Variants in KIF20B observed in about 807,000 individuals in gnomAD.
KIF20B encodes the protein kinesin-like protein KIF20B.
In KIF20B, 188 loss-of-function variants were observed where a neutral mutation model predicts 232.5. The observed-to-expected ratio is 0.81, with a 90% CI of 0.72 to 0.91. KIF20B has a LOEUF of 0.91. KIF20B is among the 40% of genes least tolerant of loss of function. The pLI is 0.00. For synonymous variants in KIF20B, 712 were observed against 683.0 expected, an observed-to-expected ratio of 1.04 and a Z score of -0.66; for missense variants, 2,154 against 2,055.9, an observed-to-expected ratio of 1.05 and a Z score of -0.92.
chr10:89,738,919 A>G lies in KIF20B; in HGVS notation c.3777-39A>G, dbSNP rs779023248. 3 of 1,588,348 alleles carry G rather than the reference A, an allele frequency of 1.9e-6. No individual in the cohort carries two copies. In the East Asian group the frequency reaches 6.7e-5, roughly 36 times the overall value. On this transcript the variant is annotated intron_variant, in intron 20 of 32. Coordinates refer to ENST00000371728, the MANE Select transcript of KIF20B (RefSeq NM_001284259.2). ...TCACATGTATGGTCCTAAGCAGTTA[A>G]TGATGCATTACCATAGAAAAGTGGT...
chr10:89,758,543 A>T (rs997449132), intron 26 of KIF20B, among the ~76,000 whole-genome samples, 163 bp from the exon 27 acceptor site: 5 of 152,160 alleles, frequency 3.3e-5, no homozygotes, highest in Admixed American at 2.6e-4. Context: ...TTATAAAATG[A>T]TATGTGTTGT....
intron 21 of KIF20B, among the ~76,000 whole-genome samples, chr10:89,740,849 A>G (rs1255604712): frequency 1.3e-5 from 2 of 152,004 alleles, no homozygotes; most frequent in Non-Finnish European, 2.9e-5. Flanking sequence ...TGTATTGTTA[A>G]AGTCTTTTTT....
rs1842272211 is a variant in KIF20B, at chr10:89,762,766, T to C, written c.4920T>C (p.Pro1640=). ...CAAACAAAATGGCAGTGAAACACCC[T>C]GGTTGTACCACACCAGTGACAGTTA... The part of the protein sequence containing the change: ...LQPNKMAVKH[P]GCTTPVTVKI... Residue 1640 remains proline (P), a synonymous_variant, in exon 29 of 33, where the codon CCT becomes CCC. Transcript: ENST00000371728. 3.7e-6 allele frequency: 6 copies of C among 1,613,506 alleles called. No homozygotes were observed. In the Middle Eastern group the frequency reaches 9.9e-4, roughly 266 times the overall value.
intron 18 of KIF20B, 36 bp from the exon 19 acceptor site, chr10:89,732,867 C>G (rs1219893911): frequency 4.1e-6 from 6 of 1,469,008 alleles, no homozygotes; most frequent in Non-Finnish European, 9.1e-7. Context: ...TTGTAGCTTT[C>G]TATATGTGAA....
At chr10:89,705,810 C>A (rs1226368973) in intron 2 of KIF20B, among the ~76,000 whole-genome samples, 1 of 152,150 alleles carries the variant, frequency 6.6e-6, no homozygotes. Flanking sequence ...TTTATTGACT[C>A]CTGGATTGGC....
At chr10:89,726,667 T>G (rs1373013471) in intron 16 of KIF20B, 146 bp downstream of exon 16, 1 of 631,920 alleles carries the variant, frequency 1.6e-6, no homozygotes, top group African/African-American at 1.9e-5. Flanking sequence ...TTTTACCATT[T>G]GTATGACTTT....
chr10:89,762,909 G>A (rs2133168605), intron 29 of KIF20B, 74 bp downstream of exon 29: 1 of 1,060,082 alleles, frequency 9.4e-7, no homozygotes, highest in East Asian at 2.6e-5. Context: ...GAGTTAAACT[G>A]CTATATTGCC....
rs754166229 is a variant in KIF20B, at chr10:89,729,164, A to T, written c.2308A>T (p.Ile770Leu). Reference sequence around the variant, plus strand: ...ACAGAATCAAAGAATTAAAGAATTGATAAATATAATTGATCAAAAAGAAGA... The same window carrying T: ...ACAGAATCAAAGAATTAAAGAATTGTTAAATATAATTGATCAAAAAGAAGA... ...ITQNQRIKELINIIDQKEDTI... is the reference protein window; with the variant it reads ...ITQNQRIKELLNIIDQKEDTI... The change falls in exon 18 of 33, where the codon ATA (isoleucine) becomes TTA (leucine). Residue 770 changes from isoleucine to leucine, a missense_variant. Ile to Leu is a conservative substitution (Grantham distance 5). Transcript: ENST00000371728. 1 of 1,455,862 alleles carries T rather than the reference A, an allele frequency of 6.9e-7. No homozygotes were observed. The highest frequency in any genetic ancestry group is 1.5e-5 in the African/African-American group (1 of 68,754). The allele number at this position is 1,455,862 out of a possible 1,614,324, so 90.2% of individuals were successfully genotyped here.
At chr10:89,703,729 A>G (rs987653384) in intron 1 of KIF20B, among the ~76,000 whole-genome samples, 1 of 149,080 alleles carries the variant, frequency 6.7e-6, no homozygotes, top group Admixed American at 6.7e-5. Flanking sequence ...TCAGAATTTG[A>G]CTTTGGCGCC....
intron 21 of KIF20B, among the ~76,000 whole-genome samples, chr10:89,742,256 A>G (rs1293762955): frequency 6.6e-6 from 1 of 152,182 alleles, no homozygotes; most frequent in Non-Finnish European, 1.5e-5. Context: ...TGCAAACAGA[A>G]GTGTGTTTCG....
chr10:89,747,134 A>G (rs1290330763), intron 23 of KIF20B, among the ~76,000 whole-genome samples: 1 of 152,204 alleles, frequency 6.6e-6, no homozygotes, highest in Non-Finnish European at 1.5e-5. Flanking sequence ...CACATGAAAA[A>G]ATGCTCATCA....
intron 25 of KIF20B, among the ~76,000 whole-genome samples, chr10:89,752,918 T>C (rs1842049820): frequency 6.6e-6 from 1 of 152,154 alleles, no homozygotes; most frequent in Admixed American, 6.5e-5. Flanking sequence ...AGTGATTGGG[T>C]CCTTAGTTTT....
rs776686209 is a variant in KIF20B, at chr10:89,737,721, GATC to G, written c.2883_2885del (p.Ile961del). The G allele has an allele frequency of 6.2e-6, 10 of 1,612,728 alleles. No individual in the cohort carries two copies. The highest frequency in any genetic ancestry group is 8.5e-6 in the Non-Finnish European group (10 of 1,179,422). On this transcript the variant is annotated inframe_deletion, in exon 20 of 33. Coordinates refer to ENST00000371728, the MANE Select transcript of KIF20B (RefSeq NM_001284259.2). The stretch of plus-strand genomic sequence containing the variant: ...GTAAAAATCAAGAACAGGAGGAAAA[GATC>G]ATGAAATTGTCAAATGAGATAGAAA...
rs756645927 is a variant in KIF20B at position 89,732,940 on chromosome 10, A to C, written c.2429A>C (p.Lys810Thr). ...ACATCTTCTTTAATAATAAACAATA[A>C]ATTGATTTGTAATGAAACAGTTGAA... ...ADTSSLIINN[K>T]LICNETVEVP... The change falls in exon 19 of 33, where the codon AAA (lysine) becomes ACA (threonine). Residue 810 changes from lysine (K) to threonine (T), a missense_variant. Coordinates refer to ENST00000371728, the MANE Select transcript of KIF20B (RefSeq NM_001284259.2). The C allele has an allele frequency of 4.4e-6, 7 of 1,607,858 alleles. No individual in the cohort carries two copies. The highest frequency in any genetic ancestry group is 6.0e-6 in the Non-Finnish European group (7 of 1,176,344).
intron 18 of KIF20B, among the ~76,000 whole-genome samples, chr10:89,732,144 G>A (rs761557008): frequency 6.8e-6 from 1 of 146,482 alleles, no homozygotes; most frequent in African/African-American, 2.6e-5. Flanking sequence ...TCTTTTTAGA[G>A]GTAGGGTCTC....
rs1482212527 is a variant in KIF20B, at chr10:89,751,470, A to T, written c.4221A>T (p.Thr1407=). Residue 1407 remains threonine (T), a splice_region_variant and synonymous_variant, in exon 24 of 33, where the codon ACA becomes ACT. Coordinates refer to ENST00000371728, the MANE Select transcript of KIF20B (RefSeq NM_001284259.2). ...TAGAGGAAGTTGAAAGGCTGGCCAC[A>T]GGTAAAACAAGATTGCTTACATTTC... ...AKLEEVERLA[T]ELEKWKEKCN... is the part of the protein sequence containing the mutation. The T allele has an allele frequency of 1.3e-6, 2 of 1,599,622 alleles. No individual in the cohort carries two copies. Among genetic ancestry groups the T allele is most frequent in the Non-Finnish European group, 8.5e-7 (1 of 1,175,258 alleles).
chr10:89,754,124 G>A (rs1223304154), intron 25 of KIF20B, among the ~76,000 whole-genome samples: 7 of 150,112 alleles, frequency 4.7e-5, no homozygotes, highest in East Asian at 2.0e-4. Context: ...TTGGCATCTC[G>A]TAGGCCCAGG....
chr10:89,727,979 A>G, intron 17 of KIF20B, 83 bp downstream of exon 17: 2 of 1,241,470 alleles, frequency 1.6e-6, no homozygotes, highest in Non-Finnish European at 2.2e-6. Context: ...TGTTTATTTT[A>G]AAAAATAATT....
Position 89,768,780 on chromosome 10 carries a change from A to C in KIF20B, c.5134A>C (p.Ser1712Arg). ...PSSKKTYSLR[S>R]QASIIGVNLA... ...ATCTAAGAAAACATATTCTTTACGG[A>C]GTCAGGCATCCATAATTGGTGTAAA... The change falls in exon 31 of 33, where the codon AGT (serine) becomes CGT (arginine). Residue 1712 changes from serine to arginine, a missense_variant. By Grantham distance (110) the Ser-to-Arg change is moderately radical. Coordinates refer to ENST00000371728, the MANE Select transcript of KIF20B (RefSeq NM_001284259.2). The C allele has an allele frequency of 6.2e-7, 1 of 1,602,972 alleles. No individual in the cohort carries two copies. The highest frequency in any genetic ancestry group is 8.5e-7 in the Non-Finnish European group (1 of 1,176,626).
Sources: allele counts gnomAD v4.1 joint callset (sites outside exome capture counted in the v4.1 genomes callset), GRCh38; gene constraint gnomAD v4.1.1; transcripts MANE v1.5; gene names NCBI Gene and HGNC (gene_info 2026-07-23, HGNC 2026-07-21).